KCNQ5: variants seen among roughly 807,000 people sequenced by gnomAD.
KCNQ5 encodes the protein potassium voltage-gated channel subfamily Q member 5, also known as potassium voltage-gated channel subfamily KQT member 5.
KCNQ5 carries 30 observed loss-of-function variants against 98.2 expected under a neutral mutation model. That is an observed-to-expected ratio of 0.31 (90% CI 0.23 to 0.41). KCNQ5 has a LOEUF of 0.41. KCNQ5 is among the 10% of genes least tolerant of loss of function. The pLI is 1.00. For missense variants in KCNQ5, 835 were observed against 1,182.5 expected, an observed-to-expected ratio of 0.71 and a Z score of 4.31; for synonymous variants, 458 against 449.4, an observed-to-expected ratio of 1.02 and a Z score of -0.24.
intron 1 of KCNQ5, among the ~76,000 whole-genome samples, chr6:72,977,919 AG>A (rs1768234757): frequency 6.6e-6 from 1 of 152,244 alleles, no homozygotes; most frequent in Admixed American, 6.5e-5. Flanking sequence ...GGCACATAGT[AG>A]CCCCTGAATA....
intron 1 of KCNQ5, among the ~76,000 whole-genome samples, chr6:72,692,368 G>A (rs1768254052): frequency 6.6e-6 from 1 of 152,208 alleles, no homozygotes; most frequent in Non-Finnish European, 1.5e-5. Flanking sequence ...TGCAGGTTGT[G>A]CGAGAAACAT....
chr6:72,804,159 T>C (rs1774824246), intron 1 of KCNQ5, among the ~76,000 whole-genome samples: 2 of 152,130 alleles, frequency 1.3e-5, no homozygotes, highest in African/African-American at 2.4e-5. Context: ...CATTTATTCA[T>C]TGTGTTAAAA....
intron 1 of KCNQ5, among the ~76,000 whole-genome samples, chr6:72,680,725 C>A (rs2154473793): frequency 6.6e-6 from 1 of 152,278 alleles, no homozygotes; most frequent in Admixed American, 6.5e-5. Flanking sequence ...GAACTCCCCC[C>A]AAAATCCACA....
intron 10 of KCNQ5, among the ~76,000 whole-genome samples, chr6:73,160,171 G>A (rs1001330682): frequency 6.7e-6 from 1 of 149,446 alleles, no homozygotes; most frequent in Non-Finnish European, 1.5e-5. Context: ...CCACCACGAC[G>A]CCCGGCTGTT....
chr6:72,922,965 C>G (rs1427328726), intron 1 of KCNQ5, among the ~76,000 whole-genome samples: 1 of 151,906 alleles, frequency 6.6e-6, no homozygotes, highest in Non-Finnish European at 1.5e-5. Context: ...GCACCCACCA[C>G]CACTCCTGGC....
At chr6:73,118,374 G>C (rs1430252610) in intron 7 of KCNQ5, among the ~76,000 whole-genome samples, 1 of 152,152 alleles carries the variant, frequency 6.6e-6, no homozygotes, top group African/African-American at 2.4e-5. Flanking sequence ...ATTGTACTAT[G>C]TAAATGGTGT....
intron 1 of KCNQ5, among the ~76,000 whole-genome samples, chr6:72,829,148 G>C (rs909938421): frequency 2.6e-5 from 4 of 152,036 alleles, no homozygotes; most frequent in Admixed American, 1.3e-4. Context: ...CTCCAGAGAG[G>C]CTCTCATATA....
intron 10 of KCNQ5, among the ~76,000 whole-genome samples, chr6:73,164,006 T>C (rs1341188133): frequency 6.6e-6 from 1 of 152,250 alleles, no homozygotes; most frequent in African/African-American, 2.4e-5. Flanking sequence ...CTTGTTTTTA[T>C]TAATCTTTCT....
intron 1 of KCNQ5, among the ~76,000 whole-genome samples, chr6:72,703,735 G>A (rs917304301): frequency 1.3e-4 from 20 of 151,972 alleles, no homozygotes; most frequent in Admixed American, 1.1e-3. Flanking sequence ...TCCATTTATC[G>A]AATTCTATTT....
rs147979872 is a variant in KCNQ5, at chr6:72,962,159, C to T, written c.399-41749C>T. ...TGCCACTGCACTCTAACCTGGGTGA[C>T]AGAGTGAGACCTTGTTTCTCTAAAT... On this transcript the variant is annotated intron_variant, in intron 1 of 13. Transcript: ENST00000370398. Among the ~76,000 whole-genome samples the T allele has an allele frequency of 2.3e-4, 34 of 146,344 alleles. No homozygotes were observed. The East Asian group carries it at 5.2e-3, about 22-fold the overall frequency.
intron 1 of KCNQ5, among the ~76,000 whole-genome samples, chr6:72,665,771 T>C (rs1193984585): frequency 6.6e-6 from 1 of 152,220 alleles, no homozygotes. Flanking sequence ...CCAGAAGTTA[T>C]ATAACGCACA....
intron 11 of KCNQ5, among the ~76,000 whole-genome samples, chr6:73,189,606 G>T (rs1452027080): frequency 1.3e-5 from 2 of 152,042 alleles, no homozygotes; most frequent in Non-Finnish European, 2.9e-5. Context: ...AAGTCTATGG[G>T]CCATTTAGTA....
intron 3 of KCNQ5, chr6:73,055,367 GCTCTAGCCGGT>G: frequency 1.4e-6 from 2 of 1,462,360 alleles, no homozygotes; most frequent in Non-Finnish European, 1.9e-6. Flanking sequence ...GCACTATGGG[GCTCTAGCCGGT>G]CTCAATAAAG....
chr6:73,101,481 G>T (rs898216943), intron 5 of KCNQ5, among the ~76,000 whole-genome samples: 1 of 152,158 alleles, frequency 6.6e-6, no homozygotes, highest in Non-Finnish European at 1.5e-5. Flanking sequence ...GTTTGCAGAT[G>T]ATATGATCTT....
chr6:72,767,715 G>T (rs574714383), intron 1 of KCNQ5, among the ~76,000 whole-genome samples: 1 of 152,112 alleles, frequency 6.6e-6, no homozygotes, highest in East Asian at 1.9e-4. Context: ...TACGCAGATG[G>T]CAAGTAATAC....
At chr6:73,018,195 A>G (rs1449160699) in intron 2 of KCNQ5, among the ~76,000 whole-genome samples, 1 of 152,088 alleles carries the variant, frequency 6.6e-6, no homozygotes, top group Non-Finnish European at 1.5e-5. Context: ...ATAAGTCTGG[A>G]GGTTTCTCTG....
intron 1 of KCNQ5, among the ~76,000 whole-genome samples, chr6:72,776,697 T>C (rs1773176269): frequency 6.6e-6 from 1 of 152,226 alleles, no homozygotes; most frequent in Non-Finnish European, 1.5e-5. Context: ...AATTCACTTA[T>C]TCAGTTGAGT....
intron 1 of KCNQ5, among the ~76,000 whole-genome samples, chr6:72,710,398 T>G (rs1197836002): frequency 6.6e-6 from 1 of 152,048 alleles, no homozygotes; most frequent in Non-Finnish European, 1.5e-5. Flanking sequence ...TTAAAAAAAT[T>G]TAAAAAGCAA....
At chr6:72,894,013 G>C (rs555855425) in intron 1 of KCNQ5, among the ~76,000 whole-genome samples, 26 of 152,320 alleles carry the variant, frequency 1.7e-4, no homozygotes, top group African/African-American at 5.8e-4. Context: ...TATGATTAGA[G>C]TTTGTTTGTC....
Sources: gnomAD v4.1 joint callset for allele counts (sites outside exome capture counted in the v4.1 genomes callset) on GRCh38, gnomAD v4.1.1 for gene constraint, MANE v1.5 for transcripts, NCBI Gene and HGNC (gene_info 2026-07-23, HGNC 2026-07-21) for gene names.